The following SYT16 variants were observed in gnomAD, a reference collection of about 807,000 sequenced individuals.
SYT16 encodes the protein synaptotagmin-16.
A neutral mutation model predicts 61.4 loss-of-function variants in SYT16; 42 were observed. That is an observed-to-expected ratio of 0.68 (90% CI 0.53 to 0.89). The LOEUF (loss-of-function observed/expected upper bound fraction) is 0.89, where lower values mean the gene tolerates loss of function less well. SYT16 is among the 40% of genes least tolerant of loss of function. The pLI is 0.00. For synonymous variants in SYT16, 314 were observed against 302.3 expected, an observed-to-expected ratio of 1.04 and a Z score of -0.40; for missense variants, 804 against 807.3, an observed-to-expected ratio of 1.00 and a Z score of 0.05.
intron 1 of SYT16, among the ~76,000 whole-genome samples, chr14:61,964,222 T>G (rs1223091721): frequency 6.6e-6 from 1 of 152,200 alleles, no homozygotes; most frequent in African/African-American, 2.4e-5. Context: ...AGATAGTGAT[T>G]CCTCTGACTC....
At chr14:61,993,899 A>G (rs1285922939) in intron 2 of SYT16, among the ~76,000 whole-genome samples, 3 of 152,142 alleles carry the variant, frequency 2.0e-5, no homozygotes, top group Non-Finnish European at 4.4e-5. Flanking sequence ...GCACACTTCT[A>G]GGCAATGGGG....
intron 1 of SYT16, among the ~76,000 whole-genome samples, chr14:61,850,570 C>T (rs547080226): frequency 1.7e-4 from 26 of 152,150 alleles, no homozygotes; most frequent in Non-Finnish European, 3.5e-4. Context: ...AAATAAAAAA[C>T]ATTTTTATCT....
intron 1 of SYT16, among the ~76,000 whole-genome samples, chr14:61,816,880 G>A (rs2045448044): frequency 6.6e-6 from 1 of 151,186 alleles, no homozygotes; most frequent in South Asian, 2.1e-4. Context: ...GCGTGGTGGC[G>A]GGCGCTTGTA....
intron 2 of SYT16, among the ~76,000 whole-genome samples, chr14:61,995,056 A>C (rs915448503): frequency 6.6e-6 from 1 of 151,304 alleles, no homozygotes; most frequent in African/African-American, 2.5e-5. Flanking sequence ...ATATATACAC[A>C]CATAATATAC....
chr14:62,095,295 A>C (rs1053422247), intron 7 of SYT16, among the ~76,000 whole-genome samples: 2 of 152,064 alleles, frequency 1.3e-5, no homozygotes, highest in African/African-American at 4.8e-5. Flanking sequence ...GAGGCAGTTA[A>C]GTATAATAAG....
At chr14:61,851,290 T>C (rs1376115177) in intron 1 of SYT16, among the ~76,000 whole-genome samples, 1 of 152,216 alleles carries the variant, frequency 6.6e-6, no homozygotes, top group Non-Finnish European at 1.5e-5. Context: ...TGTACCACAT[T>C]TTCTTTATCC....
At chr14:62,030,586 A>C (rs767303033) in intron 3 of SYT16, among the ~76,000 whole-genome samples, 1 of 152,234 alleles carries the variant, frequency 6.6e-6, no homozygotes, top group Non-Finnish European at 1.5e-5. Context: ...ACACAATTGC[A>C]GTTGAACTAC....
chr14:61,901,667 T>C (rs1405614747), intron 1 of SYT16, among the ~76,000 whole-genome samples: 1 of 151,838 alleles, frequency 6.6e-6, no homozygotes, highest in Non-Finnish European at 1.5e-5. Context: ...TCTTCATCTT[T>C]CAAGTGCATT....
intron 7 of SYT16, among the ~76,000 whole-genome samples, chr14:62,097,367 G>T (rs1389246958): frequency 6.6e-6 from 1 of 152,120 alleles, no homozygotes; most frequent in Non-Finnish European, 1.5e-5. Context: ...GCATTGTTTT[G>T]TAGCCACTAT....
At chr14:61,993,699 G>T (rs1421412687) in intron 2 of SYT16, among the ~76,000 whole-genome samples, 1 of 151,984 alleles carries the variant, frequency 6.6e-6, no homozygotes, top group East Asian at 1.9e-4. Flanking sequence ...GTAACAAATG[G>T]CAAAAGGATC....
At chr14:62,072,377 A>G (rs2056331312) in intron 4 of SYT16, among the ~76,000 whole-genome samples, 1 of 152,134 alleles carries the variant, frequency 6.6e-6, no homozygotes, top group Non-Finnish European at 1.5e-5. Flanking sequence ...ACACCTGCAC[A>G]TGCAGGGGTG....
intron 4 of SYT16, 78 bp downstream of exon 4, chr14:62,069,893 C>A: frequency 2.8e-6 from 4 of 1,446,102 alleles, no homozygotes; most frequent in East Asian, 2.3e-5. Flanking sequence ...TCACCCTCTG[C>A]ACTCTGCATC....
intron 1 of SYT16, among the ~76,000 whole-genome samples, chr14:61,824,538 G>T (rs975097394): frequency 2.0e-5 from 3 of 152,098 alleles, no homozygotes; most frequent in Non-Finnish European, 2.9e-5. Flanking sequence ...ATTTTTAGTA[G>T]AGACGGGGTT....
chr14:62,072,321 G>A (rs1242345401), intron 4 of SYT16, among the ~76,000 whole-genome samples: 1 of 152,146 alleles, frequency 6.6e-6, no homozygotes, highest in African/African-American at 2.4e-5. Context: ...AGAATCAGCA[G>A]GATTACATGC....
intron 1 of SYT16, among the ~76,000 whole-genome samples, chr14:61,932,611 G>A (rs558121487): frequency 2.6e-5 from 4 of 152,276 alleles, no homozygotes; most frequent in African/African-American, 7.2e-5. Flanking sequence ...GGTTCCTTCC[G>A]TCAACACATG....
chr14:61,927,447 G>A (rs2049582638), intron 1 of SYT16, among the ~76,000 whole-genome samples: 2 of 152,146 alleles, frequency 1.3e-5, no homozygotes, highest in African/African-American at 4.8e-5. Context: ...AGTTTAGTCA[G>A]GGCAGCAAAT....
chr14:62,003,230 C>A (rs1349287453), intron 3 of SYT16, among the ~76,000 whole-genome samples: 1 of 151,946 alleles, frequency 6.6e-6, no homozygotes, highest in African/African-American at 2.4e-5. Flanking sequence ...AGCCATTGTT[C>A]CCCTTCCTCA....
chr14:61,954,328 C>G (rs1276383045), intron 1 of SYT16, among the ~76,000 whole-genome samples: 1 of 147,352 alleles, frequency 6.8e-6, no homozygotes, highest in African/African-American at 2.5e-5. Context: ...TTTTTTTTAC[C>G]CCTTCACCAA....
chr14:61,862,192 T>C (rs901056592), intron 1 of SYT16, among the ~76,000 whole-genome samples: 3 of 152,234 alleles, frequency 2.0e-5, no homozygotes, highest in Non-Finnish European at 4.4e-5. Context: ...GTGTGTAGTT[T>C]TGAAACTACC....
Sources: gnomAD v4.1 joint callset for allele counts (sites outside exome capture counted in the v4.1 genomes callset) on GRCh38, gnomAD v4.1.1 for gene constraint, MANE v1.5 for transcripts, NCBI Gene and HGNC (gene_info 2026-07-23, HGNC 2026-07-21) for gene names.